Variants in GALNT17 observed in about 807,000 individuals in gnomAD.
The protein encoded by GALNT17 is UDP-GalNAc:polypeptide N-acetylgalactosaminyltransferase-like 3.
A neutral mutation model predicts 63.7 loss-of-function variants in GALNT17; 29 were observed. That is an observed-to-expected ratio of 0.46 (90% CI 0.34 to 0.62). GALNT17 has a LOEUF of 0.62. Ranked by LOEUF, GALNT17 falls within the 20% of genes least tolerant of loss-of-function variation. The probability of loss-of-function intolerance (pLI) is 0.01; values close to 1 mark genes in which losing one functional copy is unlikely to be tolerated. For missense variants in GALNT17, 603 were observed against 799.6 expected, an observed-to-expected ratio of 0.75 and a Z score of 2.97; for synonymous variants, 305 against 318.3, an observed-to-expected ratio of 0.96 and a Z score of 0.45.
At chr7:71,268,475 G>A (rs1030781603) in intron 1 of GALNT17, among the ~76,000 whole-genome samples, 1 of 151,562 alleles carries the variant, frequency 6.6e-6, no homozygotes. Context: ...GGCTTGAACT[G>A]GGGAGGTGGA....
intron 9 of GALNT17, among the ~76,000 whole-genome samples, chr7:71,699,890 T>C (rs1392374028): frequency 1.3e-5 from 2 of 151,920 alleles, no homozygotes; most frequent in Non-Finnish European, 2.9e-5. Context: ...CTATGATCAC[T>C]TTACTGCACT....
intron 6 of GALNT17, among the ~76,000 whole-genome samples, chr7:71,623,467 G>C (rs1197684003): frequency 6.6e-6 from 1 of 151,548 alleles, no homozygotes; most frequent in Admixed American, 6.6e-5. Context: ...ACTCAGGCTA[G>C]AGGGCAGTGG....
At chr7:71,668,992 G>A (rs544437414) in intron 7 of GALNT17, among the ~76,000 whole-genome samples, 9 of 152,200 alleles carry the variant, frequency 5.9e-5, no homozygotes, top group Middle Eastern at 3.4e-3. Flanking sequence ...TTTTCTTGTC[G>A]TAATCAAATA....
At chr7:71,289,561 C>A (rs1471269212) in intron 1 of GALNT17, among the ~76,000 whole-genome samples, 1 of 151,682 alleles carries the variant, frequency 6.6e-6, no homozygotes, top group African/African-American at 2.4e-5. Context: ...CATGGTGAAA[C>A]CCCATCTCTA....
chr7:71,415,002 T>C (rs1439005022), intron 3 of GALNT17, among the ~76,000 whole-genome samples: 4 of 151,998 alleles, frequency 2.6e-5, no homozygotes, highest in South Asian at 4.1e-4. Flanking sequence ...TTTAAATGCC[T>C]TTAGTTTTAT....
intron 1 of GALNT17, among the ~76,000 whole-genome samples, chr7:71,263,135 G>A (rs367869410): frequency 5.3e-5 from 8 of 152,076 alleles, no homozygotes; most frequent in South Asian, 2.1e-4. Flanking sequence ...TGAGGCAGGC[G>A]GATCTTGAGG....
chr7:71,196,260 C>T (rs1789047433), intron 1 of GALNT17, among the ~76,000 whole-genome samples: 1 of 152,066 alleles, frequency 6.6e-6, no homozygotes, highest in Non-Finnish European at 1.5e-5. Context: ...GCCTCAGCCT[C>T]TCAAGTAGCT....
chr7:71,410,391 G>A (rs953962907), intron 3 of GALNT17, among the ~76,000 whole-genome samples: 21 of 152,058 alleles, frequency 1.4e-4, no homozygotes, highest in East Asian at 1.9e-4. Context: ...GATTACAGGC[G>A]TGTGCCACAA....
At chr7:71,191,192 C>T (rs1788946078) in intron 1 of GALNT17, among the ~76,000 whole-genome samples, 1 of 152,186 alleles carries the variant, frequency 6.6e-6, no homozygotes, top group Non-Finnish European at 1.5e-5. Context: ...CAGAAATTCT[C>T]TTGTATCGCT....
intron 5 of GALNT17, among the ~76,000 whole-genome samples, chr7:71,561,707 T>C (rs983285738): frequency 1.3e-5 from 2 of 152,110 alleles, no homozygotes; most frequent in Admixed American, 1.3e-4. Context: ...TCTAAGAGAA[T>C]GTCAAGAGAT....
At chr7:71,678,612 A>G (rs935983459) in intron 9 of GALNT17, among the ~76,000 whole-genome samples, 3 of 151,798 alleles carry the variant, frequency 2.0e-5, no homozygotes, top group African/African-American at 7.2e-5. Context: ...CCTGGCTAAC[A>G]CGGTGAAACC....
At chr7:71,247,751 C>A (rs1163599634) in intron 1 of GALNT17, among the ~76,000 whole-genome samples, 2 of 152,184 alleles carry the variant, frequency 1.3e-5, no homozygotes, top group African/African-American at 2.4e-5. Context: ...GCCACTGCAC[C>A]TGGCCAAAGA....
chr7:71,618,678 T>C (rs1379156088), intron 6 of GALNT17, among the ~76,000 whole-genome samples: 1 of 152,182 alleles, frequency 6.6e-6, no homozygotes, highest in Non-Finnish European at 1.5e-5. Context: ...TTTTGCTTGT[T>C]GACTTAAGTT....
intron 1 of GALNT17, among the ~76,000 whole-genome samples, chr7:71,180,858 T>G (rs1478234888): frequency 6.6e-6 from 1 of 152,096 alleles, no homozygotes; most frequent in Non-Finnish European, 1.5e-5. Context: ...AAGAACTCAG[T>G]TTGGGAAGCA....
At chr7:71,359,250 T>C (rs1476221530) in intron 2 of GALNT17, among the ~76,000 whole-genome samples, 2 of 152,162 alleles carry the variant, frequency 1.3e-5, no homozygotes, top group Non-Finnish European at 2.9e-5. Context: ...GACACCAGCA[T>C]TTGCTCAGGT....
chr7:71,559,746 A>G (rs1280871651), intron 5 of GALNT17, among the ~76,000 whole-genome samples: 4 of 151,830 alleles, frequency 2.6e-5, no homozygotes, highest in Admixed American at 2.0e-4. Context: ...CTATAGTCCC[A>G]GCTATTTGAG....
chr7:71,707,542 A>G (rs532222317), intron 9 of GALNT17, among the ~76,000 whole-genome samples: 10 of 152,258 alleles, frequency 6.6e-5, no homozygotes, highest in East Asian at 1.9e-4. Flanking sequence ...GCTTAAAACA[A>G]TATGCATTTT....
In GALNT17 at chr7:71,499,685, C is replaced by T. The variant is rs184294408; in HGVS notation, c.963-71600C>T. 2.6e-5 allele frequency among the ~76,000 whole-genome samples: 4 copies of T among 152,320 alleles called. No homozygotes were observed. The East Asian group carries it at 7.7e-4, about 29-fold the overall frequency. ...TGCCTGAAATGCACTCCCGATTTCT[C>T]TTCATCTATACAGATTTTACCTGCT... On this transcript the variant is annotated intron_variant, in intron 5 of 10. Coordinates refer to ENST00000333538, the MANE Select transcript of GALNT17 (RefSeq NM_022479.3).
intron 2 of GALNT17, among the ~76,000 whole-genome samples, chr7:71,380,804 A>G (rs1792830963): frequency 6.6e-6 from 1 of 152,040 alleles, no homozygotes; most frequent in Admixed American, 6.6e-5. Context: ...GAGGAGGTGA[A>G]GACAAAGAAT....
Sources: gnomAD v4.1 joint callset for allele counts (sites outside exome capture counted in the v4.1 genomes callset) on GRCh38, gnomAD v4.1.1 for gene constraint, MANE v1.5 for transcripts, NCBI Gene and HGNC (gene_info 2026-07-23, HGNC 2026-07-21) for gene names.